The following NEDD4 variants were observed in gnomAD, a reference collection of about 807,000 sequenced individuals.
NEDD4 encodes NEDD4 E3 ubiquitin protein ligase.
In NEDD4, 99 loss-of-function variants were observed where a neutral mutation model predicts 144.9. The ratio of observed to expected loss-of-function variants is 0.68; its 90% CI spans 0.58 to 0.81. The LOEUF (loss-of-function observed/expected upper bound fraction) is 0.81, where lower values mean the gene tolerates loss of function less well. NEDD4 is among the 30% of genes least tolerant of loss of function. The probability of loss-of-function intolerance (pLI) is 0.00; values close to 1 mark genes in which losing one functional copy is unlikely to be tolerated. For missense variants in NEDD4, 985 were observed against 1,065.9 expected (o/e 0.92, Z 1.06); for synonymous variants, 318 against 350.6 (o/e 0.91, Z 1.04).
chr15:55,836,043 T>C (rs1159732364), intron 24 of NEDD4, among the ~76,000 whole-genome samples: 1 of 152,136 alleles, frequency 6.6e-6, no homozygotes, highest in East Asian at 1.9e-4. Context: ...CTCAACTGCC[T>C]GTGGGTACAG....
rs945112403 is a variant in NEDD4 at position 55,984,815 on chromosome 15, T to G, written c.45+8696A>C. ...CTATTGGCAAGGAGGCCAGAAGAAA[T>G]AGAAGTCCTAAAGAAGAAGTAACAT... On this transcript the variant is annotated intron_variant, in intron 1 of 28. Coordinates refer to ENST00000435532, the MANE Select transcript of NEDD4 (RefSeq NM_006154.4). 2.2e-4 allele frequency among the ~76,000 whole-genome samples: 34 copies of G among 152,170 alleles called. 1 individual carries two copies. Among genetic ancestry groups the G allele is most frequent in the African/African-American group, 8.0e-4 (33 of 41,450 alleles).
At chr15:55,941,875 T>C (rs1348571622) in intron 4 of NEDD4, among the ~76,000 whole-genome samples, 2 of 152,270 alleles carry the variant, frequency 1.3e-5, no homozygotes, top group South Asian at 2.1e-4. Context: ...GCCCAGCCAA[T>C]CCTGTTGAAT....
intron 1 of NEDD4, among the ~76,000 whole-genome samples, chr15:55,990,722 T>C (rs1462184773): frequency 6.6e-6 from 1 of 152,154 alleles, no homozygotes; most frequent in Non-Finnish European, 1.5e-5. Context: ...CCCACCTCCA[T>C]ATCACAGGGA....
chr15:55,836,020 C>T (rs1321126648), intron 24 of NEDD4, among the ~76,000 whole-genome samples: 1 of 152,176 alleles, frequency 6.6e-6, no homozygotes, highest in African/African-American at 2.4e-5. Flanking sequence ...CTTGCATTCT[C>T]TCACCCAGCA....
intron 1 of NEDD4, among the ~76,000 whole-genome samples, chr15:55,983,011 A>G (rs1159677937): frequency 1.3e-5 from 2 of 151,982 alleles, no homozygotes; most frequent in African/African-American, 4.8e-5. Context: ...AATCCCAGCT[A>G]CTCGGGAGGC....
At chr15:55,991,984 A>G (rs1238972582) in intron 1 of NEDD4, 4 of 152,226 alleles carry the variant, frequency 2.6e-5, no homozygotes, top group Non-Finnish European at 4.4e-5. Flanking sequence ...GAGATGAGAA[A>G]TCTGCAATTA....
chr15:55,850,765 T>C (rs762639314), intron 13 of NEDD4, 23 bp from the exon 14 acceptor site: 14 of 1,594,856 alleles, frequency 8.8e-6, no homozygotes, highest in Admixed American at 1.7e-5. Context: ...TGAAATCATA[T>C]TGTAATATTT....
chr15:55,873,913 TA>T (rs535265678), intron 6 of NEDD4, 44 bp downstream of exon 6: 15 of 1,100,654 alleles, frequency 1.4e-5, no homozygotes, highest in African/African-American at 4.8e-5. Flanking sequence ...TTTATTAAAT[TA>T]AAAAAATAAG....
rs531481653 is a variant in NEDD4 at position 55,979,527 on chromosome 15, G to C, written c.46-12981C>G. Among the ~76,000 whole-genome samples the C allele has an allele frequency of 5.8e-3, 864 of 149,458 alleles. 9 individuals carry two copies. Among genetic ancestry groups the C allele is most frequent in the African/African-American group, 0.02 (808 of 40,736 alleles). On this transcript the variant is annotated intron_variant, in intron 1 of 28. Coordinates refer to ENST00000435532, the MANE Select transcript of NEDD4 (RefSeq NM_006154.4). ...CGCCACCGCGCCCGGCTAATTTTTT[G>C]TATTTTTAGTAGAGACGGGGTTTCA...
intron 4 of NEDD4, among the ~76,000 whole-genome samples, chr15:55,947,510 G>A (rs1364954969): frequency 1.3e-5 from 2 of 152,174 alleles, no homozygotes; most frequent in African/African-American, 4.8e-5. Flanking sequence ...CTCTGAAATT[G>A]AGACAATAAT....
chr15:55,866,546 C>G (rs2034595000), intron 8 of NEDD4, among the ~76,000 whole-genome samples: 2 of 152,070 alleles, frequency 1.3e-5, no homozygotes, highest in African/African-American at 4.8e-5. Flanking sequence ...GATTACTTTT[C>G]CTTTAAGATT....
At chr15:55,928,811 G>T (rs899132127) in intron 4 of NEDD4, among the ~76,000 whole-genome samples, 4 of 152,072 alleles carry the variant, frequency 2.6e-5, no homozygotes, top group Non-Finnish European at 5.9e-5. Flanking sequence ...TCCCTACTGA[G>T]TTATAAACAT....
At chr15:55,958,259 G>C (rs1331129390) in intron 2 of NEDD4, among the ~76,000 whole-genome samples, 1 of 152,112 alleles carries the variant, frequency 6.6e-6, no homozygotes, top group Admixed American at 6.5e-5. Flanking sequence ...TTTGTCAAAG[G>C]CACATTCCAT....
chr15:55,980,252 A>G (rs1287972961), intron 1 of NEDD4, among the ~76,000 whole-genome samples: 1 of 151,954 alleles, frequency 6.6e-6, no homozygotes, highest in South Asian at 2.1e-4. Context: ...TTAACTTTAT[A>G]CCCCTCTGTA....
chr15:55,903,824 C>CAA (rs1198758409), intron 5 of NEDD4, among the ~76,000 whole-genome samples: 12,487 of 73,242 alleles, frequency 0.17, 1,027 homozygotes, highest in East Asian at 0.4. Context: ...GACTCCATCT[C>CAA]AAAAAAAAAA....
Position 55,848,855 on chromosome 15 carries a change from A to G in NEDD4, c.1379T>C (p.Leu460Pro), listed in dbSNP as rs756714809. The change falls in exon 15 of 29, where the codon CTG becomes CCG. Residue 460 changes from leucine (L) to proline (P), a missense_variant. By Grantham distance (98) the Leu-to-Pro change is moderately conservative. Transcript: ENST00000435532. Reference sequence around the variant, plus strand: ...AGTATCAAGTGATGTCTTTCCTCTCAGATGGGCTGGAATTTTCAATCTTGG... The same window carrying G: ...AGTATCAAGTGATGTCTTTCCTCTCGGATGGGCTGGAATTTTCAATCTTGG... ...EDPRLKIPAH[L>P]RGKTSLDTSN... 1.9e-6 allele frequency: 3 copies of G among 1,613,850 alleles called. No homozygotes were observed. Among genetic ancestry groups the G allele is most frequent in the Non-Finnish European group, 1.7e-6 (2 of 1,179,818 alleles).
At chr15:55,953,268 C>T (rs62045206) in intron 2 of NEDD4, among the ~76,000 whole-genome samples, 3 of 151,790 alleles carry the variant, frequency 2.0e-5, no homozygotes, top group African/African-American at 4.8e-5. Context: ...GGATTACCCA[C>T]GTGAGCCATA....
intron 5 of NEDD4, among the ~76,000 whole-genome samples, chr15:55,892,740 G>A (rs1449061756): frequency 6.6e-6 from 1 of 152,056 alleles, no homozygotes; most frequent in Non-Finnish European, 1.5e-5. Flanking sequence ...AGTTTTCTCT[G>A]ACATAGTGTT....
chr15:55,862,252 T>C (rs1217432444), intron 9 of NEDD4, among the ~76,000 whole-genome samples: 2 of 152,010 alleles, frequency 1.3e-5, no homozygotes, highest in African/African-American at 4.8e-5. Flanking sequence ...ATTACGAGTA[T>C]GTTTCAAACA....
Sources: allele counts gnomAD v4.1 joint callset (sites outside exome capture counted in the v4.1 genomes callset), GRCh38; gene constraint gnomAD v4.1.1; transcripts MANE v1.5; gene names NCBI Gene and HGNC (gene_info 2026-07-23, HGNC 2026-07-21).